The following DAB1 variants were observed in gnomAD, a reference collection of about 807,000 sequenced individuals.
The protein encoded by DAB1 is disabled homolog 1.
In DAB1, 15 loss-of-function variants were observed where a neutral mutation model predicts 64.6. The ratio of observed to expected loss-of-function variants is 0.23; its 90% confidence interval spans 0.16 to 0.36. The LOEUF is 0.36. DAB1 is among the 10% of genes least tolerant of loss of function. The pLI is 1.00. For synonymous variants in DAB1, 235 were observed against 251.9 expected (o/e 0.93, Z 0.64); for missense variants, 596 against 706.7 (o/e 0.84, Z 1.78).
chr1:57,293,780 A>G (rs576038), intron 1 of DAB1, among the ~76,000 whole-genome samples: 67,614 of 151,976 alleles, frequency 0.44, 15,607 homozygotes, highest in Admixed American at 0.58. Flanking sequence ...TTTAAAATCA[A>G]TTGTATAAAA....
chr1:57,986,818 T>G (rs758740374), intron 5 of DAB1, among the ~76,000 whole-genome samples: 1 of 152,236 alleles, frequency 6.6e-6, no homozygotes, highest in Non-Finnish European at 1.5e-5. Context: ...CCATTATTAT[T>G]CAAATTATAA....
intron 1 of DAB1, among the ~76,000 whole-genome samples, chr1:57,422,290 A>G (rs1044824559): frequency 1.3e-5 from 2 of 152,200 alleles, no homozygotes; most frequent in Non-Finnish European, 2.9e-5. Context: ...AGGAGGAAGA[A>G]ACGACGGCGC....
At chr1:58,000,876 T>G (rs540010075) in intron 5 of DAB1, among the ~76,000 whole-genome samples, 3 of 151,768 alleles carry the variant, frequency 2.0e-5, no homozygotes, top group African/African-American at 4.8e-5. Flanking sequence ...CAGCCTTTTT[T>G]GCCTTCTAAT....
At chr1:57,379,314 A>C (rs1681171744) in intron 1 of DAB1, among the ~76,000 whole-genome samples, 1 of 152,162 alleles carries the variant, frequency 6.6e-6, no homozygotes, top group Non-Finnish European at 1.5e-5. Flanking sequence ...GTAACATAAG[A>C]GAGTTTAATA....
At chr1:58,482,654 G>A (rs1456312532) in intron 3 of DAB1, among the ~76,000 whole-genome samples, 1 of 152,142 alleles carries the variant, frequency 6.6e-6, no homozygotes, top group Non-Finnish European at 1.5e-5. Flanking sequence ...ATCCAGGCAA[G>A]GCCTCACTGA....
At position 57,723,722 on chromosome 1, in the gene DAB1, A is replaced by G. The variant is rs181005290; in HGVS notation, n.552-74057T>C. Among the ~76,000 whole-genome samples the G allele has an allele frequency of 1.0e-3, 155 of 152,250 alleles. 1 individual carries two copies. Among genetic ancestry groups the G allele is most frequent in the African/African-American group, 3.6e-3 (150 of 41,544 alleles). On this transcript the variant is annotated intron_variant and non_coding_transcript_variant, in intron 6 of 20. Coordinates refer to the DAB1 transcript ENST00000485760. The stretch of plus-strand genomic sequence containing the variant: ...ATGCAGATATGTGGTGCTCCCAATT[A>G]GCTGATTGTGGCTACATTTTTCTGG...
chr1:58,327,059 T>G (rs1387859185), intron 4 of DAB1, among the ~76,000 whole-genome samples: 2 of 152,222 alleles, frequency 1.3e-5, no homozygotes, highest in Non-Finnish European at 2.9e-5. Flanking sequence ...ATTTTCCCAT[T>G]ACTAACTAGT....
At chr1:57,324,414 T>C (rs1675988203) in intron 1 of DAB1, among the ~76,000 whole-genome samples, 1 of 152,208 alleles carries the variant, frequency 6.6e-6, no homozygotes, top group East Asian at 1.9e-4. Context: ...TATCATTTTA[T>C]CTGTTTATTT....
chr1:58,151,316 A>C lies in DAB1; in HGVS notation n.310-728T>G, dbSNP rs186372175. 7.2e-3 allele frequency among the ~76,000 whole-genome samples: 1,096 copies of C among 152,310 alleles called. 11 individuals carry two copies. Among genetic ancestry groups the C allele is most frequent in the African/African-American group, 0.025 (1,044 of 41,558 alleles). ...TAGTTTACAGTCCCACCAACAGTGT[A>C]AAAGTGTTCCTATTTCTCCACATCC... On this transcript the variant is annotated intron_variant and non_coding_transcript_variant, in intron 4 of 20. Transcript: ENST00000485760.
At chr1:57,855,931 C>T (rs1038142861) in intron 1 of DAB1, among the ~76,000 whole-genome samples, 3 of 152,148 alleles carry the variant, frequency 2.0e-5, no homozygotes, top group African/African-American at 7.2e-5. Flanking sequence ...AGGCAAGACG[C>T]TAGCTTGAAT....
At chr1:57,223,594 G>A (rs768140985) in intron 2 of DAB1, among the ~76,000 whole-genome samples, 2 of 152,118 alleles carry the variant, frequency 1.3e-5, no homozygotes, top group Non-Finnish European at 2.9e-5. Context: ...TGGAAGCCAC[G>A]CCCAAACAAG....
intron 3 of DAB1, among the ~76,000 whole-genome samples, chr1:58,500,605 A>G (rs1569900532): frequency 6.6e-6 from 1 of 152,312 alleles, no homozygotes; most frequent in African/African-American, 2.4e-5. Flanking sequence ...AGATTTTTTT[A>G]AGTTTCTGAA....
chr1:57,712,915 G>T (rs781160376), intron 6 of DAB1, among the ~76,000 whole-genome samples: 19 of 152,158 alleles, frequency 1.2e-4, no homozygotes, highest in Non-Finnish European at 2.4e-4. Flanking sequence ...ATGGAAGATA[G>T]AGTGCCACTT....
At chr1:57,835,806 T>C (rs1356001845) in intron 1 of DAB1, among the ~76,000 whole-genome samples, 1 of 152,228 alleles carries the variant, frequency 6.6e-6, no homozygotes, top group Non-Finnish European at 1.5e-5. Context: ...AGCCACCAGA[T>C]GCTGCTGTTT....
chr1:58,048,197 CAGCTACTGCTGCTACTGGAACCGCCAT>C, intron 5 of DAB1: 1 of 1,303,118 alleles, frequency 7.7e-7, no homozygotes, highest in Non-Finnish European at 1.1e-6. Context: ...GCCACTGCCA[CAGCTACTGCTGCTACTGGAACCGCCAT>C]AGCCACCTTG....
At chr1:58,074,278 T>A (rs1167182069) in intron 5 of DAB1, 1 of 152,018 alleles carries the variant, frequency 6.6e-6, no homozygotes, top group Admixed American at 6.6e-5. Flanking sequence ...ATTGGGTACC[T>A]ACTGACAGTT....
At chr1:57,918,172 C>G (rs1308744376) in intron 5 of DAB1, among the ~76,000 whole-genome samples, 1 of 150,782 alleles carries the variant, frequency 6.6e-6, no homozygotes, top group African/African-American at 2.4e-5. Flanking sequence ...TCAATAAAGC[C>G]CTTAAAACAA....
intron 3 of DAB1, among the ~76,000 whole-genome samples, chr1:58,395,002 TAGTC>T (rs71763190): frequency 0.37 from 55,359 of 151,356 alleles, 10,165 homozygotes; most frequent in East Asian, 0.41. Context: ...TGGCAAATCT[TAGTC>T]AGAATGGAGG....
intron 1 of DAB1, among the ~76,000 whole-genome samples, chr1:57,875,739 G>A (rs796173448): frequency 3.9e-5 from 6 of 152,268 alleles, no homozygotes; most frequent in African/African-American, 1.4e-4. Context: ...TATCCAGGTT[G>A]CCGTATTCTG....
Sources: allele counts gnomAD v4.1 joint callset (sites outside exome capture counted in the v4.1 genomes callset), GRCh38; gene constraint gnomAD v4.1.1; transcripts MANE v1.5; gene names NCBI Gene and HGNC (gene_info 2026-07-23, HGNC 2026-07-21).